Variants in NRK observed in about 807,000 individuals in gnomAD.
NRK encodes the protein Nik related kinase.
Under a neutral mutation model 125.2 loss-of-function variants are expected in NRK, and 67 were observed. The ratio of observed to expected loss-of-function variants is 0.54; its 90% confidence interval spans 0.44 to 0.66. NRK has a LOEUF of 0.66. NRK is among the 30% of genes least tolerant of loss of function. The pLI is 0.00. For synonymous variants in NRK, 458 were observed against 429.0 expected, an observed-to-expected ratio of 1.07 and a Z score of -0.84; for missense variants, 1,224 against 1,192.9, an observed-to-expected ratio of 1.03 and a Z score of -0.38.
chrX:105,955,180 A>G (rs926545200), intron 28 of NRK, among the ~76,000 whole-genome samples: 2 of 111,903 alleles, frequency 1.8e-5, no homozygotes, highest in Non-Finnish European at 1.9e-5. Context: ...GAATATAAGT[A>G]GATTATTGTT....
intron 14 of NRK, 143 bp downstream of exon 14, chrX:105,912,898 T>A: frequency 3.3e-6 from 1 of 301,029 alleles, no homozygotes; most frequent in East Asian, 5.3e-5. Context: ...GTTGTATCAT[T>A]TGATATTTAA....
intron 1 of NRK, 125 bp from the exon 2 acceptor site, chrX:105,830,929 G>T: frequency 2.2e-6 from 1 of 449,624 alleles, no homozygotes; most frequent in Non-Finnish European, 3.8e-6. Flanking sequence ...GTATACATAT[G>T]TAACAAATCT....
intron 2 of NRK, among the ~76,000 whole-genome samples, chrX:105,878,688 G>GT (rs1340793835): frequency 9.9e-5 from 11 of 110,730 alleles, no homozygotes; most frequent in African/African-American, 3.6e-4. Context: ...TCAATAACCT[G>GT]TAACTTTTTC....
intron 2 of NRK, among the ~76,000 whole-genome samples, chrX:105,860,871 T>C (rs990876254): frequency 2.7e-5 from 3 of 111,336 alleles, no homozygotes; most frequent in Non-Finnish European, 5.7e-5. Context: ...CATTCATTCA[T>C]CAGTTTTGAT....
At chrX:105,905,757 C>T (rs2040212139) in intron 10 of NRK, among the ~76,000 whole-genome samples, 1 of 112,166 alleles carries the variant, frequency 8.9e-6, no homozygotes, top group African/African-American at 3.2e-5. Flanking sequence ...CACTTACATG[C>T]CAGCTAAACT....
At chrX:105,952,763 A>G (rs146395370) in intron 27 of NRK, among the ~76,000 whole-genome samples, 1,639 of 111,507 alleles carry the variant, frequency 0.015, 34 homozygotes, top group African/African-American at 0.051. Flanking sequence ...AGCTTTTTCT[A>G]TGGTCTTAGA....
At chrX:105,902,489 C>T (rs2040171342) in intron 9 of NRK, among the ~76,000 whole-genome samples, 1 of 112,474 alleles carries the variant, frequency 8.9e-6, no homozygotes, top group Admixed American at 9.4e-5. Context: ...TCCAAAGTGA[C>T]AATTATCTGA....
chrX:105,953,737 C>G (rs927414445), intron 28 of NRK, among the ~76,000 whole-genome samples: 4 of 111,388 alleles, frequency 3.6e-5, no homozygotes, highest in Admixed American at 1.9e-4. Context: ...ATAATTTGAT[C>G]AATTTTAACA....
chrX:105,906,414 G>T lies in NRK; in HGVS notation c.846G>T (p.Trp282Cys). The stretch of plus-strand genomic sequence containing the variant: ...TTCCTCTCTTTGACTCATTTTTTAG[G>T]TCCCGTAAGTTCCACAATTTCATGG... ...ESAPTVKSSGWSRKFHNFMEK... is the reference protein window; with the variant it reads ...ESAPTVKSSGCSRKFHNFMEK... Residue 282 changes from tryptophan (W) to cysteine (C), a missense_variant and splice_region_variant, in exon 11 of 29, where the codon TGG (tryptophan) becomes TGT (cysteine). Transcript: ENST00000243300. 8.8e-7 allele frequency: 1 copy of T among 1,136,765 alleles called. No individual in the cohort carries two copies. Among genetic ancestry groups the T allele is most frequent in the East Asian group, 3.1e-5 (1 of 32,275 alleles). The allele number at this position is 1,136,765 out of a possible 1,213,427, so 93.7% of individuals were successfully genotyped here.
At chrX:105,862,028 A>G (rs1233647455) in intron 2 of NRK, among the ~76,000 whole-genome samples, 1 of 111,600 alleles carries the variant, frequency 9.0e-6, no homozygotes, top group East Asian at 2.8e-4. Flanking sequence ...GCGCCACTGC[A>G]CTCCAGCCTG....
At chrX:105,906,183 T>C (rs2040216425) in intron 10 of NRK, among the ~76,000 whole-genome samples, 1 of 111,862 alleles carries the variant, frequency 8.9e-6, no homozygotes, top group East Asian at 2.8e-4. Context: ...ACTTCTACTG[T>C]AATTTAGATG....
At chrX:105,923,891 CTA>C (rs1204761152) in intron 18 of NRK, among the ~76,000 whole-genome samples, 8,281 of 47,642 alleles carry the variant, frequency 0.17, 529 homozygotes, top group East Asian at 0.41. Flanking sequence ...TGTGATATCA[CTA>C]TATATATATA....
chrX:105,923,891 C>CTATATATATATA lies in NRK; in HGVS notation c.2975+433_2975+444dup, dbSNP rs1204761152. Among the ~76,000 whole-genome samples the CTATATATATATA allele has an allele frequency of 5.3e-3, 252 of 47,754 alleles. 1 individual carries two copies. The highest frequency in any genetic ancestry group is 7.3e-3 in the Non-Finnish European group (187 of 25,605). 41.5% of individuals were successfully genotyped at this position (47,754 alleles called of 115,157 possible). A position where few individuals can be genotyped will look rare whatever the true frequency, so the allele number is the denominator to read the frequency against. The stretch of plus-strand genomic sequence containing the variant: ...CATTTCTCAAACTTTTGTGATATCA[C>CTATATATATATA]TATATATATATATATATATATATAT... On this transcript the variant is annotated intron_variant, in intron 18 of 28. Coordinates refer to ENST00000243300, the MANE Select transcript of NRK (RefSeq NM_198465.4).
intron 2 of NRK, among the ~76,000 whole-genome samples, chrX:105,860,329 T>A (rs1236081410): frequency 9.0e-6 from 1 of 111,605 alleles, no homozygotes; most frequent in African/African-American, 3.3e-5. Context: ...TTTCAAAAAA[T>A]TTTTTAAGAC....
At chrX:105,880,163 C>G in intron 2 of NRK, 36 bp from the exon 3 acceptor site, 1 of 772,498 alleles carries the variant, frequency 1.3e-6, no homozygotes, top group Non-Finnish European at 1.8e-6. Flanking sequence ...GATTACCTAG[C>G]CAGCATTTGA....
At chrX:105,834,442 G>GGTGTGT (rs202172346) in intron 2 of NRK, among the ~76,000 whole-genome samples, 1 of 107,823 alleles carries the variant, frequency 9.3e-6, no homozygotes, top group African/African-American at 3.4e-5. Context: ...AATGTCTGGA[G>GGTGTGT]GTGTGTGCGT....
At position 105,893,922 on chromosome X, in the gene NRK, A is replaced by G; in HGVS notation, c.469A>G (p.Ile157Val). ...QSLKEDWIAY[I>V]CREILQGLAH... ...TTTAAAAGAAGATTGGATTGCTTAT[A>G]TCTGCCGAGAAATCCTTCAGGTGAG... The change falls in exon 6 of 29, where the codon ATC becomes GTC. Residue 157 changes from isoleucine to valine, a missense_variant. By Grantham distance (29) the Ile-to-Val change is conservative (BLOSUM62 3). Transcript: ENST00000243300. The G allele has an allele frequency of 8.8e-7, 1 of 1,142,240 alleles. No homozygotes were observed. The highest frequency in any genetic ancestry group is 1.2e-6 in the Non-Finnish European group (1 of 834,463). 94.1% of individuals were successfully genotyped at this position (1,142,240 alleles called of 1,213,427 possible). A position where few individuals can be genotyped will look rare whatever the true frequency, so the allele number is the denominator to read the frequency against.
intron 28 of NRK, among the ~76,000 whole-genome samples, chrX:105,955,132 A>G (rs1055501840): frequency 3.6e-5 from 4 of 111,717 alleles, no homozygotes; most frequent in African/African-American, 1.3e-4. Flanking sequence ...ACAACACCTA[A>G]ATAATTTGTT....
At chrX:105,871,047 T>A (rs1402493976) in intron 2 of NRK, among the ~76,000 whole-genome samples, 3 of 111,842 alleles carry the variant, frequency 2.7e-5, no homozygotes, top group Non-Finnish European at 5.7e-5. Context: ...GTCCCCATAG[T>A]TGATATAACT....
Sources: gnomAD v4.1 joint callset for allele counts (sites outside exome capture counted in the v4.1 genomes callset) on GRCh38, gnomAD v4.1.1 for gene constraint, MANE v1.5 for transcripts, NCBI Gene and HGNC (gene_info 2026-07-23, HGNC 2026-07-21) for gene names.